The following CAMTA1 variants were observed in gnomAD, a reference collection of about 807,000 sequenced individuals.
CAMTA1 encodes calmodulin binding transcription activator 1.
Under a neutral mutation model 170.9 loss-of-function variants are expected in CAMTA1, and 27 were observed. That is an observed-to-expected ratio of 0.16 (90% CI 0.12 to 0.22). The LOEUF (loss-of-function observed/expected upper bound fraction) is 0.22. CAMTA1 is among the 10% of genes least tolerant of loss of function. CAMTA1 has a pLI of 1.00. For missense variants in CAMTA1, 1,619 were observed against 2,217.2 expected (o/e 0.73, Z 5.42); for synonymous variants, 833 against 891.5 (o/e 0.93, Z 1.17).
At chr1:6,793,589 G>C (rs1188078982) in intron 1 of CAMTA1, among the ~76,000 whole-genome samples, 2 of 152,164 alleles carry the variant, frequency 1.3e-5, no homozygotes, top group African/African-American at 4.8e-5. Context: ...TAGTGTCTAT[G>C]ATAAGGGATA....
intron 1 of CAMTA1, among the ~76,000 whole-genome samples, chr1:6,813,224 A>G (rs1316462149): frequency 6.6e-6 from 1 of 152,228 alleles, no homozygotes; most frequent in Non-Finnish European, 1.5e-5. Flanking sequence ...GAAAAAGAAT[A>G]AAGTTACTTG....
intron 5 of CAMTA1, among the ~76,000 whole-genome samples, chr1:7,445,903 G>A (rs1481769691): frequency 1.3e-5 from 2 of 152,116 alleles, no homozygotes; most frequent in African/African-American, 4.8e-5. Context: ...CATGAATGGA[G>A]CTCCCAGAGC....
chr1:6,947,113 A>G (rs923700432), intron 3 of CAMTA1, among the ~76,000 whole-genome samples: 5 of 152,164 alleles, frequency 3.3e-5, no homozygotes, highest in African/African-American at 9.7e-5. Context: ...TTGTAAATCA[A>G]TTGGCCATAA....
intron 4 of CAMTA1, among the ~76,000 whole-genome samples, chr1:7,232,020 G>C (rs1662925940): frequency 6.6e-6 from 1 of 152,244 alleles, no homozygotes; most frequent in African/African-American, 2.4e-5. Flanking sequence ...CGATGCCGGG[G>C]AGGACTTGGC....
intron 6 of CAMTA1, among the ~76,000 whole-genome samples, chr1:7,507,800 G>A (rs547518302): frequency 5.3e-5 from 8 of 152,188 alleles, no homozygotes; most frequent in Non-Finnish European, 1.2e-4. Context: ...AGCTCTGAGC[G>A]GGCAGCCTCT....
At chr1:7,303,824 G>A (rs1346244397) in intron 5 of CAMTA1, among the ~76,000 whole-genome samples, 1 of 152,246 alleles carries the variant, frequency 6.6e-6, no homozygotes, top group Admixed American at 6.5e-5. Flanking sequence ...AGAGGAAAGA[G>A]CTGAAGGGGT....
At chr1:6,892,895 A>T (rs1306763037) in intron 3 of CAMTA1, among the ~76,000 whole-genome samples, 1 of 152,036 alleles carries the variant, frequency 6.6e-6, no homozygotes, top group African/African-American at 2.4e-5. Context: ...CTGTACTACA[A>T]AGTAAAATGT....
chr1:6,970,811 G>A lies in CAMTA1; in HGVS notation c.235-120493G>A, dbSNP rs1180159094. Among the ~76,000 whole-genome samples, 1 of 152,126 alleles carries A rather than the reference G, an allele frequency of 6.6e-6. No homozygotes were observed. The highest frequency in any genetic ancestry group is 1.5e-5 in the Non-Finnish European group (1 of 68,032). On this transcript the variant is annotated intron_variant, in intron 3 of 22. Coordinates refer to ENST00000303635, the MANE Select transcript of CAMTA1 (RefSeq NM_015215.4). This position sits in a 1 kb window ranked among gnomAD's most constrained non-coding sequence, Gnocchi z 4.4. ...AAGGAGACAGATGGAGAACAGAACAGACCCAACAACCTCAGGAGAATGAAC... is the reference window on the plus strand; with the variant it reads ...AAGGAGACAGATGGAGAACAGAACAAACCCAACAACCTCAGGAGAATGAAC...
chr1:6,813,261 A>G (rs1570342834), intron 1 of CAMTA1, among the ~76,000 whole-genome samples: 2 of 152,324 alleles, frequency 1.3e-5, no homozygotes, highest in Admixed American at 6.5e-5. Context: ...TGAATTGCCC[A>G]TCTCATAAAA....
At chr1:7,274,021 A>T (rs1301216122) in intron 5 of CAMTA1, among the ~76,000 whole-genome samples, 1 of 152,198 alleles carries the variant, frequency 6.6e-6, no homozygotes, top group African/African-American at 2.4e-5. Context: ...AGACTCAAAA[A>T]TATTCAAATT....
rs1049534114 is a variant in CAMTA1, at chr1:7,286,471, G to A, written c.438+36845G>A. On this transcript the variant is annotated intron_variant, in intron 5 of 22. Coordinates refer to ENST00000303635, the MANE Select transcript of CAMTA1 (RefSeq NM_015215.4). This position sits in a 1 kb window ranked among gnomAD's most constrained non-coding sequence, Gnocchi z 4.2. ...CGTGGCATCCAATCTCTTCTCTTTG[G>A]GCTGGAATCATGAACGTTCAGGGTC... 1.3e-5 allele frequency among the ~76,000 whole-genome samples: 2 copies of A among 152,130 alleles called. No homozygotes were observed. The highest frequency in any genetic ancestry group is 4.8e-5 in the African/African-American group (2 of 41,402).
chr1:6,807,782 T>C (rs12735232), intron 1 of CAMTA1, among the ~76,000 whole-genome samples: 25,185 of 151,664 alleles, frequency 0.17, 2,179 homozygotes, highest in East Asian at 0.29. Context: ...AGAACTGCTT[T>C]AGTGGTAAAT....
At chr1:7,201,247 G>A (rs557142119) in intron 4 of CAMTA1, among the ~76,000 whole-genome samples, 1 of 152,112 alleles carries the variant, frequency 6.6e-6, no homozygotes, top group Admixed American at 6.5e-5. Flanking sequence ...CTTTTTTATG[G>A]CTGAATAATA....
At chr1:7,495,043 T>C (rs11120948) in intron 6 of CAMTA1, among the ~76,000 whole-genome samples, 12,865 of 152,176 alleles carry the variant, frequency 0.085, 806 homozygotes, top group African/African-American at 0.16. Context: ...TAGGTCTCTG[T>C]TGGGCTCCAT....
intron 3 of CAMTA1, among the ~76,000 whole-genome samples, chr1:6,846,205 A>G (rs555515981): frequency 7.9e-5 from 12 of 152,356 alleles, no homozygotes; most frequent in Admixed American, 2.6e-4. Context: ...TTCACCATGT[A>G]TATTTGGTTT....
At chr1:6,847,514 C>T (rs1321731322) in intron 3 of CAMTA1, among the ~76,000 whole-genome samples, 3 of 150,942 alleles carry the variant, frequency 2.0e-5, no homozygotes, top group Admixed American at 6.6e-5. Context: ...TCATAGAAGG[C>T]TATGTATGCC....
chr1:7,275,081 G>A (rs1345157766), intron 5 of CAMTA1, among the ~76,000 whole-genome samples: 1 of 142,428 alleles, frequency 7.0e-6, no homozygotes, highest in East Asian at 2.1e-4. Context: ...GGCGGAGGTT[G>A]CAGTGAGCCG....
chr1:7,352,265 T>A (rs1462735010), intron 5 of CAMTA1, among the ~76,000 whole-genome samples: 3 of 151,556 alleles, frequency 2.0e-5, no homozygotes, highest in Admixed American at 2.0e-4. Flanking sequence ...TCCCTCCAGT[T>A]ATTGGGAACC....
chr1:7,274,106 A>G (rs967765140), intron 5 of CAMTA1, among the ~76,000 whole-genome samples: 4 of 152,184 alleles, frequency 2.6e-5, no homozygotes, highest in Non-Finnish European at 5.9e-5. Flanking sequence ...AAACCCAGCC[A>G]TATACATAAT....
Sources: allele counts gnomAD v4.1 joint callset (sites outside exome capture counted in the v4.1 genomes callset), GRCh38; gene constraint gnomAD v4.1.1; non-coding constraint Gnocchi (gnomAD v3.1); transcripts MANE v1.5; gene names NCBI Gene and HGNC (gene_info 2026-07-23, HGNC 2026-07-21).